Variants in FSHR observed in about 807,000 individuals in gnomAD.
FSHR encodes the protein follicle-stimulating hormone receptor.
A neutral mutation model predicts 52.1 loss-of-function variants in FSHR; 46 were observed. That is an observed-to-expected ratio of 0.88 (90% CI 0.70 to 1.13). FSHR has a LOEUF of 1.13. Ranked by LOEUF, FSHR falls within the 50% of genes most tolerant of loss-of-function variation. FSHR has a pLI of 0.00. For synonymous variants in FSHR, 399 were observed against 309.6 expected (o/e 1.29, Z -3.03); for missense variants, 964 against 834.6 (o/e 1.16, Z -1.91).
intron 1 of FSHR, among the ~76,000 whole-genome samples, chr2:49,152,961 A>G (rs918580038): frequency 2.0e-5 from 3 of 152,252 alleles, no homozygotes; most frequent in Non-Finnish European, 4.4e-5. Flanking sequence ...GCATGGGCAC[A>G]TTCTTCAGCA....
At chr2:49,073,928 C>T (rs1339710156) in intron 1 of FSHR, among the ~76,000 whole-genome samples, 1 of 151,970 alleles carries the variant, frequency 6.6e-6, no homozygotes, top group East Asian at 1.9e-4. Flanking sequence ...GTCAAGAACA[C>T]TCACTGGGGA....
At chr2:49,111,583 G>A (rs1177426696) in intron 1 of FSHR, among the ~76,000 whole-genome samples, 3 of 152,142 alleles carry the variant, frequency 2.0e-5, no homozygotes, top group Non-Finnish European at 4.4e-5. Context: ...GGTGGCTTTT[G>A]TCTGAACAGT....
At chr2:49,105,730 C>T (rs749308173) in intron 1 of FSHR, among the ~76,000 whole-genome samples, 2 of 152,158 alleles carry the variant, frequency 1.3e-5, no homozygotes, top group South Asian at 4.1e-4. Context: ...CTACTGCCAG[C>T]TGCCTGCAAG....
At chr2:48,967,461 G>A (rs559097264) in intron 9 of FSHR, among the ~76,000 whole-genome samples, 1 of 152,230 alleles carries the variant, frequency 6.6e-6, no homozygotes, top group South Asian at 2.1e-4. Context: ...TGCAAAATTG[G>A]TATCTTTCTC....
chr2:49,119,327 T>C (rs558248322), intron 1 of FSHR, among the ~76,000 whole-genome samples: 1 of 152,190 alleles, frequency 6.6e-6, no homozygotes, highest in Admixed American at 6.5e-5. Context: ...CAGTGTTCGA[T>C]AGGCAAACAA....
chr2:49,073,847 A>G (rs1348847079), intron 1 of FSHR, among the ~76,000 whole-genome samples: 1 of 152,080 alleles, frequency 6.6e-6, no homozygotes, highest in African/African-American at 2.4e-5. Flanking sequence ...AGAAACATAG[A>G]CCAGAAGAAC....
At chr2:49,106,131 C>T (rs1671211160) in intron 1 of FSHR, among the ~76,000 whole-genome samples, 1 of 152,174 alleles carries the variant, frequency 6.6e-6, no homozygotes, top group Non-Finnish European at 1.5e-5. Context: ...GAAGAGAAGA[C>T]TCTCTACCTG....
At chr2:49,007,650 G>C (rs914607384) in intron 4 of FSHR, among the ~76,000 whole-genome samples, 4 of 152,086 alleles carry the variant, frequency 2.6e-5, no homozygotes, top group African/African-American at 9.7e-5. Flanking sequence ...TTCCATGATA[G>C]AATGCTGAGT....
chr2:49,041,665 A>G (rs10865238), intron 2 of FSHR, among the ~76,000 whole-genome samples: 96,367 of 151,954 alleles, frequency 0.63, 30,746 homozygotes, highest in East Asian at 0.78. Flanking sequence ...AAGGGAATCC[A>G]AGGAGATCTA....
chr2:49,029,278 C>T (rs972993941), intron 2 of FSHR, among the ~76,000 whole-genome samples: 15 of 152,308 alleles, frequency 9.8e-5, no homozygotes, highest in African/African-American at 2.2e-4. Context: ...TATTGAATTA[C>T]GGGCCCTTGG....
intron 2 of FSHR, among the ~76,000 whole-genome samples, chr2:49,037,782 G>C (rs1668322935): frequency 6.6e-6 from 1 of 152,102 alleles, no homozygotes. Flanking sequence ...CAAGTAAAGA[G>C]ACATGGAGGA....
intron 2 of FSHR, among the ~76,000 whole-genome samples, chr2:49,023,403 A>G (rs1370045343): frequency 1.3e-5 from 2 of 152,228 alleles, no homozygotes; most frequent in Admixed American, 1.3e-4. Context: ...CTTCAGGCCT[A>G]TGAATATCAT....
intron 1 of FSHR, among the ~76,000 whole-genome samples, chr2:49,081,476 A>G (rs1670167128): frequency 6.6e-6 from 1 of 152,166 alleles, no homozygotes; most frequent in Non-Finnish European, 1.5e-5. Flanking sequence ...TTAATTTTCA[A>G]GATTGAAATT....
rs186692117 is a variant in FSHR at position 49,063,568 on chromosome 2, A to C, written c.224+4651T>G. ...TTATGTTAAGTGAAATAAGTTAGGC[A>C]CAGAAAGGGAAATACTGCATGTTCT... On this transcript the variant is annotated intron_variant, in intron 2 of 9. Coordinates refer to ENST00000406846, the MANE Select transcript of FSHR (RefSeq NM_000145.4). 3.3e-3 allele frequency among the ~76,000 whole-genome samples: 498 copies of C among 152,270 alleles called. 5 individuals carry two copies. Among genetic ancestry groups the C allele is most frequent in the African/African-American group, 0.011 (442 of 41,564 alleles).
At chr2:49,141,170 C>G (rs1672671261) in intron 1 of FSHR, among the ~76,000 whole-genome samples, 1 of 152,174 alleles carries the variant, frequency 6.6e-6, no homozygotes, top group African/African-American at 2.4e-5. Context: ...TTTAGTCCTT[C>G]TATTTATTCA....
At chr2:49,033,270 C>A (rs1668163700) in intron 2 of FSHR, among the ~76,000 whole-genome samples, 1 of 152,100 alleles carries the variant, frequency 6.6e-6, no homozygotes, top group African/African-American at 2.4e-5. Context: ...AAATCTCTCC[C>A]CAGAGTTGAG....
intron 2 of FSHR, among the ~76,000 whole-genome samples, chr2:49,063,585 G>A (rs898617897): frequency 4.6e-5 from 7 of 152,078 alleles, no homozygotes; most frequent in Non-Finnish European, 2.9e-5. Context: ...GGGAAATACT[G>A]CATGTTCTCA....
At chr2:49,083,813 C>G (rs906921822) in intron 1 of FSHR, among the ~76,000 whole-genome samples, 8 of 146,494 alleles carry the variant, frequency 5.5e-5, no homozygotes, top group Non-Finnish European at 9.1e-5. Context: ...AATATATATG[C>G]ACCCAATACA....
At chr2:49,138,479 A>G (rs911447116) in intron 1 of FSHR, among the ~76,000 whole-genome samples, 1 of 152,228 alleles carries the variant, frequency 6.6e-6, no homozygotes, top group African/African-American at 2.4e-5. Context: ...TGAATGGATA[A>G]ACGAAATGTG....
Sources: gnomAD v4.1 joint callset for allele counts (sites outside exome capture counted in the v4.1 genomes callset) on GRCh38, gnomAD v4.1.1 for gene constraint, MANE v1.5 for transcripts, NCBI Gene and HGNC (gene_info 2026-07-23, HGNC 2026-07-21) for gene names.